CNTN4: variants seen among roughly 807,000 people sequenced by gnomAD.
CNTN4 encodes contactin 4, also known as contactin-4.
CNTN4 carries 77 observed loss-of-function variants against 122.5 expected under a neutral mutation model. The observed-to-expected ratio is 0.63, with a 90% CI of 0.52 to 0.76. The LOEUF (loss-of-function observed/expected upper bound fraction) is 0.76, where lower values mean the gene tolerates loss of function less well. Ranked by LOEUF, CNTN4 falls within the 30% of genes least tolerant of loss-of-function variation. The probability of loss-of-function intolerance (pLI) is 0.00; values close to 1 mark genes in which losing one functional copy is unlikely to be tolerated. For synonymous variants in CNTN4, 512 were observed against 447.0 expected (o/e 1.15, Z -1.83); for missense variants, 1,256 against 1,259.1 (o/e 1.00, Z 0.04).
At chr3:2,303,515 C>T (rs1327580939) in intron 2 of CNTN4, among the ~76,000 whole-genome samples, 2 of 152,210 alleles carry the variant, frequency 1.3e-5, no homozygotes, top group Admixed American at 1.3e-4. Flanking sequence ...CAGGTTATAG[C>T]ATGTATCAAT....
intron 3 of CNTN4, among the ~76,000 whole-genome samples, chr3:2,395,790 G>C (rs1251603565): frequency 4.6e-5 from 7 of 152,076 alleles, no homozygotes; most frequent in Admixed American, 1.3e-4. Flanking sequence ...TTTTATGGCT[G>C]TATAGTATTC....
rs150552498 is a variant in CNTN4, at chr3:2,414,937, T to C, written c.-89+75704T>C. Among the ~76,000 whole-genome samples the C allele has an allele frequency of 6.3e-3, 952 of 152,320 alleles. 9 individuals carry two copies. The highest frequency in any genetic ancestry group is 0.022 in the African/African-American group (894 of 41,572). ...AAGCACATAGAAAGAAAATAAACAT[T>C]GAGTGAGCCTCGTTGCAAAACTCTT... On this transcript the variant is annotated intron_variant, in intron 3 of 24. Transcript: ENST00000418658.
intron 9 of CNTN4, among the ~76,000 whole-genome samples, chr3:2,884,513 A>T (rs2093947810): frequency 6.6e-6 from 1 of 152,216 alleles, no homozygotes; most frequent in African/African-American, 2.4e-5. Flanking sequence ...CACTCTACAG[A>T]CATTAAAAGT....
At chr3:3,037,979 C>T (rs554257163) in intron 18 of CNTN4, among the ~76,000 whole-genome samples, 21 of 152,202 alleles carry the variant, frequency 1.4e-4, no homozygotes, top group Admixed American at 1.3e-3. Context: ...CTACATGTGC[C>T]GTCTTTTATA....
At chr3:2,442,085 G>A (rs1236925560) in intron 3 of CNTN4, among the ~76,000 whole-genome samples, 3 of 152,062 alleles carry the variant, frequency 2.0e-5, no homozygotes, top group Non-Finnish European at 2.9e-5. Flanking sequence ...AAACAAAATT[G>A]ATTTATAATG....
chr3:2,391,693 A>G (rs967669131), intron 3 of CNTN4, among the ~76,000 whole-genome samples: 2 of 152,222 alleles, frequency 1.3e-5, no homozygotes, highest in Non-Finnish European at 2.9e-5. Context: ...AGAACTGACT[A>G]CAAAAGCTTT....
At chr3:2,512,331 C>T (rs1480956566) in intron 3 of CNTN4, among the ~76,000 whole-genome samples, 1 of 151,920 alleles carries the variant, frequency 6.6e-6, no homozygotes, top group Non-Finnish European at 1.5e-5. Context: ...CTTTTGAATG[C>T]ACCACTTCTT....
At chr3:2,305,843 G>A (rs78417617) in intron 2 of CNTN4, among the ~76,000 whole-genome samples, 3,560 of 152,206 alleles carry the variant, frequency 0.023, 135 homozygotes, top group African/African-American at 0.082. Flanking sequence ...TGCCTGTATA[G>A]ATTTGCCTGT....
At chr3:2,635,914 C>T (rs749120301) in intron 4 of CNTN4, among the ~76,000 whole-genome samples, 6 of 152,284 alleles carry the variant, frequency 3.9e-5, no homozygotes, top group African/African-American at 4.8e-5. Context: ...AGACCCCTCA[C>T]GCATCATTAT....
At chr3:2,557,099 T>TA (rs1224391558) in intron 3 of CNTN4, among the ~76,000 whole-genome samples, 1 of 152,334 alleles carries the variant, frequency 6.6e-6, no homozygotes, top group East Asian at 1.9e-4. Flanking sequence ...AAATTCATGT[T>TA]ATCACTAATT....
At chr3:2,858,374 T>C (rs1269933695) in intron 7 of CNTN4, among the ~76,000 whole-genome samples, 3 of 152,216 alleles carry the variant, frequency 2.0e-5, no homozygotes. Flanking sequence ...CATTGTGTTG[T>C]ATCACTCAGA....
intron 4 of CNTN4, among the ~76,000 whole-genome samples, chr3:2,705,689 A>G (rs1576512188): frequency 1.1e-5 from 1 of 94,654 alleles, no homozygotes; most frequent in African/African-American, 4.4e-5. Context: ...TATTATATAT[A>G]AATAAATATA....
chr3:2,840,679 A>T (rs1372131054), intron 7 of CNTN4, among the ~76,000 whole-genome samples: 1 of 150,006 alleles, frequency 6.7e-6, no homozygotes, highest in African/African-American at 2.4e-5. Context: ...AGCCTGGGCG[A>T]CAGAGCGACA....
At chr3:3,039,092 T>A (rs963071319) in intron 19 of CNTN4, 89 bp downstream of exon 19, 19 of 1,147,910 alleles carry the variant, frequency 1.7e-5, no homozygotes, top group Non-Finnish European at 2.3e-5. Flanking sequence ...GGAAGTTTCC[T>A]CCTCTGTTTT....
At chr3:3,047,470 A>C (rs578038748) in intron 23 of CNTN4, among the ~76,000 whole-genome samples, 33 of 151,986 alleles carry the variant, frequency 2.2e-4, no homozygotes, top group Non-Finnish European at 4.4e-4. Context: ...AGGATTAAGA[A>C]ACTCACTCAA....
rs147437973 is a variant in CNTN4 at position 2,610,712 on chromosome 3, G to A, written c.55+39154G>A. ...TGTGTTAGTTTGAGAAAATTAATAG[G>A]TATCTCATATGACTTATACCAGAAA... is the stretch of plus-strand genomic sequence containing the variant. On this transcript the variant is annotated intron_variant, in intron 4 of 24. Coordinates refer to ENST00000418658, the MANE Select transcript of CNTN4 (RefSeq NM_175607.3). Among the ~76,000 whole-genome samples, 32 of 152,196 alleles carry A rather than the reference G, an allele frequency of 2.1e-4. No homozygotes were observed. The East Asian group carries it at 5.4e-3, about 26-fold the overall frequency.
intron 2 of CNTN4, among the ~76,000 whole-genome samples, chr3:2,134,028 C>G (rs907879280): frequency 1.3e-5 from 2 of 152,066 alleles, no homozygotes; most frequent in African/African-American, 2.4e-5. Flanking sequence ...AAAAAATTGA[C>G]CTAATCTGAA....
chr3:2,407,963 CAT>C (rs1398076413), intron 3 of CNTN4, among the ~76,000 whole-genome samples: 2 of 152,072 alleles, frequency 1.3e-5, no homozygotes, highest in African/African-American at 4.8e-5. Context: ...ATACTTGTGA[CAT>C]ATTTATTTAA....
At chr3:2,444,617 A>T (rs563919194) in intron 3 of CNTN4, among the ~76,000 whole-genome samples, 1 of 152,108 alleles carries the variant, frequency 6.6e-6, no homozygotes, top group Non-Finnish European at 1.5e-5. Flanking sequence ...ATTTTTTTCT[A>T]ATTTAAGTGG....
Sources: allele counts gnomAD v4.1 joint callset (sites outside exome capture counted in the v4.1 genomes callset), GRCh38; gene constraint gnomAD v4.1.1; transcripts MANE v1.5; gene names NCBI Gene and HGNC (gene_info 2026-07-23, HGNC 2026-07-21).